CDK5RAP2: variants seen among roughly 807,000 people sequenced by gnomAD.
CDK5RAP2 encodes the protein CDK5 regulatory subunit-associated protein 2.
CDK5RAP2 carries 147 observed loss-of-function variants against 232.9 expected under a neutral mutation model. The ratio of observed to expected loss-of-function variants is 0.63; its 90% CI spans 0.55 to 0.72. The LOEUF (loss-of-function observed/expected upper bound fraction) is 0.72. Ranked by LOEUF, CDK5RAP2 falls within the 30% of genes least tolerant of loss-of-function variation. The pLI, the probability that CDK5RAP2 is intolerant of heterozygous loss-of-function variation, is 0.00. For synonymous variants in CDK5RAP2, 833 were observed against 833.7 expected (o/e 1.00, Z 0.01); for missense variants, 2,195 against 2,231.5 (o/e 0.98, Z 0.33).
intron 17 of CDK5RAP2, 45 bp from the exon 18 acceptor site, chr9:120,468,042 C>T (rs769402404): frequency 6.2e-7 from 1 of 1,609,558 alleles, no homozygotes; most frequent in Admixed American, 1.7e-5. Context: ...CAGCAAGAGA[C>T]TTCAGCTTCC....
intron 35 of CDK5RAP2, among the ~76,000 whole-genome samples, chr9:120,395,859 G>A (rs2032421207): frequency 6.6e-6 from 1 of 152,244 alleles, no homozygotes; most frequent in Non-Finnish European, 1.5e-5. Flanking sequence ...TTAGGTGTGG[G>A]TGAGACAACT....
intron 21 of CDK5RAP2, among the ~76,000 whole-genome samples, chr9:120,453,124 TGAAA>T (rs1352600732): frequency 1.1e-4 from 17 of 152,228 alleles, no homozygotes; most frequent in African/African-American, 4.1e-4. Flanking sequence ...CCTCATAACA[TGAAA>T]GAGACAGCTA....
In CDK5RAP2 at chr9:120,528,809, C is replaced by T. The variant is rs750320997; in HGVS notation, c.826-12G>A. The stretch of plus-strand genomic sequence containing the variant: ...TCCATTTGTGCAGCCTAAGAAAAGG[C>T]ATTAATTGGTGTGAAGAAGGGACGT... On this transcript the variant is annotated splice_polypyrimidine_tract_variant and intron_variant, in intron 8 of 37. Coordinates refer to ENST00000349780, the MANE Select transcript of CDK5RAP2 (RefSeq NM_018249.6). The T allele has an allele frequency of 6.2e-7, 1 of 1,604,832 alleles. No individual in the cohort carries two copies. Among genetic ancestry groups the T allele is most frequent in the East Asian group, 2.2e-5 (1 of 44,856 alleles).
At chr9:120,429,522 GA>G (rs2035142625) in intron 25 of CDK5RAP2, among the ~76,000 whole-genome samples, 1 of 152,140 alleles carries the variant, frequency 6.6e-6, no homozygotes, top group African/African-American at 2.4e-5. Flanking sequence ...GCTTCAAAGA[GA>G]ATAAAATACT....
At chr9:120,460,085 GA>G (rs2037000148) in intron 19 of CDK5RAP2, among the ~76,000 whole-genome samples, 1 of 152,182 alleles carries the variant, frequency 6.6e-6, no homozygotes. Flanking sequence ...CAGATGAGGA[GA>G]TTGCAGAGGG....
intron 3 of CDK5RAP2, among the ~76,000 whole-genome samples, chr9:120,551,477 G>A (rs1202507093): frequency 1.3e-5 from 2 of 152,166 alleles, no homozygotes; most frequent in Admixed American, 6.5e-5. Flanking sequence ...CCATTGAAGG[G>A]ATAAACTAAC....
chr9:120,426,211 TGA>T (rs1039476055), intron 25 of CDK5RAP2, among the ~76,000 whole-genome samples: 3 of 152,218 alleles, frequency 2.0e-5, no homozygotes, highest in Non-Finnish European at 2.9e-5. Flanking sequence ...AAAAAGTATA[TGA>T]GACAGATCTC....
intron 36 of CDK5RAP2, among the ~76,000 whole-genome samples, chr9:120,392,825 C>T (rs1046545430): frequency 4.6e-5 from 7 of 152,218 alleles, no homozygotes; most frequent in Admixed American, 6.5e-5. Context: ...CCCCACAGTC[C>T]TGACCCACTG....
chr9:120,458,098 T>C (rs1277275029), intron 20 of CDK5RAP2, among the ~76,000 whole-genome samples: 3 of 152,196 alleles, frequency 2.0e-5, no homozygotes, highest in Non-Finnish European at 2.9e-5. Context: ...GAATCACAAC[T>C]ACAATGGTAT....
chr9:120,481,539 GTCTC>G lies in CDK5RAP2; in HGVS notation c.1627-4093_1627-4090del, dbSNP rs1284152193. On this transcript the variant is annotated intron_variant, in intron 14 of 37. Coordinates refer to ENST00000349780, the MANE Select transcript of CDK5RAP2 (RefSeq NM_018249.6). ...TTTCTTTTTTTTTTTTTGAGATGGA[GTCTC>G]TCTCTGTCTCCCAGGCTAGAGTGCA... is the stretch of plus-strand genomic sequence containing the variant. Among the ~76,000 whole-genome samples, 6 of 139,228 alleles carry G rather than the reference GTCTC, an allele frequency of 4.3e-5. No homozygotes were observed. The East Asian group carries it at 1.3e-3, about 29-fold the overall frequency. The allele number at this position is 139,228 out of a possible 152,430, so 91.3% of individuals were successfully genotyped here.
intron 36 of CDK5RAP2, among the ~76,000 whole-genome samples, chr9:120,393,851 C>T (rs1464744606): frequency 1.3e-5 from 2 of 152,176 alleles, no homozygotes; most frequent in Admixed American, 6.5e-5. Context: ...AGCGTCCTAG[C>T]CACCTTTCCT....
chr9:120,572,453 G>A (rs759293140), intron 1 of CDK5RAP2, among the ~76,000 whole-genome samples: 11 of 152,132 alleles, frequency 7.2e-5, no homozygotes, highest in Admixed American at 1.3e-4. Flanking sequence ...TTCAGTAAAC[G>A]GCAACTATTG....
Position 120,550,831 on chromosome 9 carries a change from T to C in CDK5RAP2, c.267A>G (p.Gln89=). The C allele has an allele frequency of 6.2e-7, 1 of 1,613,308 alleles. No individual in the cohort carries two copies. The highest frequency in any genetic ancestry group is 1.1e-5 in the South Asian group (1 of 91,066). ...GTTCAGTGGGGCCATGAAATTCCTG[T>C]TGCATTCTTTCCTCAAGGAAATAGA... ...LRIYFLEERM[Q]QEFHGPTEHI... Residue 89 remains glutamine (Q), a synonymous_variant, in exon 4 of 38, where the codon CAA becomes CAG. Coordinates refer to ENST00000349780, the MANE Select transcript of CDK5RAP2 (RefSeq NM_018249.6).
intron 3 of CDK5RAP2, among the ~76,000 whole-genome samples, chr9:120,558,376 A>AAG (rs2042322761): frequency 7.0e-6 from 1 of 142,814 alleles, no homozygotes; most frequent in Non-Finnish European, 1.5e-5. Context: ...CGTCTCAAAA[A>AAG]AAAAAAAAAA....
At chr9:120,460,029 C>G (rs948363732) in intron 19 of CDK5RAP2, among the ~76,000 whole-genome samples, 2 of 152,100 alleles carry the variant, frequency 1.3e-5, no homozygotes, top group African/African-American at 2.4e-5. Flanking sequence ...TCTATGTGTA[C>G]GGGGGTGAGA....
At chr9:120,412,194 G>A (rs1291795413) in intron 28 of CDK5RAP2, among the ~76,000 whole-genome samples, 1 of 152,086 alleles carries the variant, frequency 6.6e-6, no homozygotes, top group Non-Finnish European at 1.5e-5. Flanking sequence ...CAAAACACAA[G>A]GGCCAACTTC....
At position 120,389,283 on chromosome 9, in the gene CDK5RAP2, C is replaced by T; in HGVS notation, c.5635G>A (p.Gly1879Arg). ...CTGCATGTTCCTGGATGGGCTCCCC[C>T]AGGCCTAAGCTAGGAAAAGGAAGAA... ...KARGNLELRP[G>R]GAHPGTCSPS... Residue 1879 changes from glycine to arginine, a missense_variant, in exon 38 of 38, where the codon GGG (glycine) becomes AGG (arginine). Gly to Arg is a moderately radical substitution (Grantham distance 125). Coordinates refer to ENST00000349780, the MANE Select transcript of CDK5RAP2 (RefSeq NM_018249.6). The T allele has an allele frequency of 6.2e-7, 1 of 1,612,334 alleles. No homozygotes were observed. The highest frequency in any genetic ancestry group is 8.5e-7 in the Non-Finnish European group (1 of 1,179,144).
chr9:120,558,371 C>A (rs866390505), intron 3 of CDK5RAP2, among the ~76,000 whole-genome samples: 7 of 40,080 alleles, frequency 1.7e-4, no homozygotes, highest in Admixed American at 4.9e-4. Context: ...GACTCCGTCT[C>A]AAAAAAAAAA....
chr9:120,572,841 G>A (rs1214484333), intron 1 of CDK5RAP2, among the ~76,000 whole-genome samples: 2 of 152,168 alleles, frequency 1.3e-5, no homozygotes, highest in Non-Finnish European at 2.9e-5. Context: ...ATATCATGTC[G>A]CCTTGAAACC....
Sources: gnomAD v4.1 joint callset for allele counts (sites outside exome capture counted in the v4.1 genomes callset) on GRCh38, gnomAD v4.1.1 for gene constraint, MANE v1.5 for transcripts, NCBI Gene and HGNC (gene_info 2026-07-23, HGNC 2026-07-21) for gene names.